Variants in KLHDC10 observed in about 807,000 individuals in gnomAD.
KLHDC10 encodes the protein kelch domain containing 10.
A neutral mutation model predicts 56.1 loss-of-function variants in KLHDC10; 24 were observed. The ratio of observed to expected loss-of-function variants is 0.43; its 90% CI spans 0.31 to 0.60. The LOEUF is 0.60. Among genes scored for constraint, KLHDC10 ranks in the 20% least tolerant of loss-of-function variants. The pLI is 0.11. For synonymous variants in KLHDC10, 188 were observed against 207.1 expected (o/e 0.91, Z 0.79); for missense variants, 349 against 567.0 (o/e 0.62, Z 3.91).
In KLHDC10 at chr7:130,124,547, T is replaced by A. The variant is rs780950527; in HGVS notation, c.864+12T>A. The A allele has an allele frequency of 1.5e-5, 21 of 1,428,058 alleles. No individual in the cohort carries two copies. In the East Asian group the frequency reaches 2.7e-4, roughly 19 times the overall value. 88.5% of individuals were successfully genotyped at this position (1,428,058 alleles called of 1,614,324 possible). A position where few individuals can be genotyped will look rare whatever the true frequency, so the allele number is the denominator to read the frequency against. On this transcript the variant is annotated intron_variant, in intron 6 of 9. Transcript: ENST00000335420. Reference sequence around the variant, plus strand: ...ATTCCTTAAACAAGGTATATTTTTTTAAAAAGAAAAAAAGGGAGAGGGAGA... The same window carrying A: ...ATTCCTTAAACAAGGTATATTTTTTAAAAAAGAAAAAAAGGGAGAGGGAGA...
At chr7:130,106,290 G>A (rs1274955176) in intron 2 of KLHDC10, among the ~76,000 whole-genome samples, 8 of 152,214 alleles carry the variant, frequency 5.3e-5, no homozygotes, top group East Asian at 3.9e-4. Context: ...ATTAACAGGC[G>A]AGTCTTTCCA....
chr7:130,124,687 G>A, intron 6 of KLHDC10, 152 bp downstream of exon 6: 1 of 530,500 alleles, frequency 1.9e-6, no homozygotes, highest in South Asian at 3.3e-5. Context: ...ACTTTATAAG[G>A]TCGAACCCTG....
At chr7:130,072,009 G>A (rs1466045364) in intron 1 of KLHDC10, among the ~76,000 whole-genome samples, 1 of 152,164 alleles carries the variant, frequency 6.6e-6, no homozygotes, top group Admixed American at 6.5e-5. Context: ...CGAGGCATTT[G>A]TAAGTAGTCA....
intron 1 of KLHDC10, among the ~76,000 whole-genome samples, chr7:130,084,082 C>T (rs1219868394): frequency 6.6e-6 from 1 of 152,126 alleles, no homozygotes; most frequent in East Asian, 1.9e-4. Context: ...TAATTTCAGC[C>T]CAAATCTCTT....
At chr7:130,119,295 G>A (rs1160548373) in intron 3 of KLHDC10, among the ~76,000 whole-genome samples, 1 of 151,856 alleles carries the variant, frequency 6.6e-6, no homozygotes, top group South Asian at 2.1e-4. Context: ...TGGATTGCTT[G>A]AGCTCAGGAG....
chr7:130,120,663 T>C lies in KLHDC10; in HGVS notation c.476-86T>C. ...TTATGAGATCATTAAAGCAGATATGTGTAGCTTCTCAGATATTCTGGGTTT... is the reference window on the plus strand; with the variant it reads ...TTATGAGATCATTAAAGCAGATATGCGTAGCTTCTCAGATATTCTGGGTTT... On this transcript the variant is annotated intron_variant, in intron 3 of 9. Coordinates refer to ENST00000335420, the MANE Select transcript of KLHDC10 (RefSeq NM_014997.4). The surrounding 1 kb of genome is among the most constrained non-coding windows in gnomAD (Gnocchi z 5.1). 7.1e-7 allele frequency: 1 copy of C among 1,407,242 alleles called. No individual in the cohort carries two copies. The highest frequency in any genetic ancestry group is 9.9e-7 in the Non-Finnish European group (1 of 1,008,308). The allele number at this position is 1,407,242 out of a possible 1,614,324, so 87.2% of individuals were successfully genotyped here.
chr7:130,082,707 C>T (rs1795625068), intron 1 of KLHDC10, among the ~76,000 whole-genome samples: 1 of 152,110 alleles, frequency 6.6e-6, no homozygotes, highest in African/African-American at 2.4e-5. Flanking sequence ...TTTTTCTCTT[C>T]AGTCTTTTGC....
At chr7:130,097,646 G>A (rs1795868190) in intron 2 of KLHDC10, among the ~76,000 whole-genome samples, 1 of 152,094 alleles carries the variant, frequency 6.6e-6, no homozygotes, top group South Asian at 2.1e-4. Flanking sequence ...TTACCTATTA[G>A]ATGAGCAAAG....
intron 2 of KLHDC10, among the ~76,000 whole-genome samples, chr7:130,102,460 TGAG>T (rs1373024679): frequency 6.6e-6 from 1 of 152,192 alleles, no homozygotes; most frequent in African/African-American, 2.4e-5. Context: ...GAGTGGAACT[TGAG>T]GAAGTTCTAA....
intron 2 of KLHDC10, among the ~76,000 whole-genome samples, chr7:130,106,820 A>G (rs541194112): frequency 6.6e-6 from 1 of 152,108 alleles, no homozygotes; most frequent in Middle Eastern, 3.4e-3. Flanking sequence ...AAAATTCAAA[A>G]ATTAGCCGGG....
At chr7:130,129,215 G>A (rs1386687957) in intron 8 of KLHDC10, among the ~76,000 whole-genome samples, 1 of 152,102 alleles carries the variant, frequency 6.6e-6, no homozygotes, top group African/African-American at 2.4e-5. Flanking sequence ...AGGCTCCTTA[G>A]AGGCTTGCAT....
chr7:130,122,577 T>C (rs906261643), intron 5 of KLHDC10, among the ~76,000 whole-genome samples: 1 of 152,012 alleles, frequency 6.6e-6, no homozygotes, highest in Non-Finnish European at 1.5e-5. Context: ...AAAGAAAGGG[T>C]CTCACTCTGT....
At chr7:130,087,924 C>T (rs1563098281) in intron 1 of KLHDC10, among the ~76,000 whole-genome samples, 3 of 151,746 alleles carry the variant, frequency 2.0e-5, no homozygotes, top group Non-Finnish European at 1.5e-5. Flanking sequence ...CCACGCCTGG[C>T]TAATTTTTGT....
At position 130,124,438 on chromosome 7, in the gene KLHDC10, T is replaced by C. The variant is rs753922623; in HGVS notation, c.780-13T>C. On this transcript the variant is annotated splice_polypyrimidine_tract_variant and intron_variant, in intron 5 of 9. Coordinates refer to ENST00000335420, the MANE Select transcript of KLHDC10 (RefSeq NM_014997.4). ...TCACTTAATTATAAATGAATTTTAT[T>C]GTAAATTTTCAGATACCGACATGAA... 11 of 1,533,432 alleles carry C rather than the reference T, an allele frequency of 7.2e-6. No homozygotes were observed. The South Asian group carries it at 1.2e-4, about 17-fold the overall frequency. 95.0% of individuals were successfully genotyped at this position (1,533,432 alleles called of 1,614,324 possible).
intron 2 of KLHDC10, among the ~76,000 whole-genome samples, chr7:130,115,904 A>T (rs1796161040): frequency 6.6e-6 from 1 of 152,076 alleles, no homozygotes; most frequent in South Asian, 2.1e-4. Context: ...ATTTTACTGT[A>T]ACTCCTTAAC....
chr7:130,108,556 C>CAAAAAAAAAAAAAA (rs71175086), intron 2 of KLHDC10, among the ~76,000 whole-genome samples: 1 of 85,674 alleles, frequency 1.2e-5, no homozygotes, highest in African/African-American at 4.3e-5. Flanking sequence ...ACCAAATATC[C>CAAAAAAAAAAAAAA]AAAAAAAAAA....
intron 7 of KLHDC10, among the ~76,000 whole-genome samples, chr7:130,126,281 A>G (rs1039622262): frequency 1.3e-5 from 2 of 152,052 alleles, no homozygotes; most frequent in East Asian, 1.9e-4. Flanking sequence ...TTGAGCCACT[A>G]CTCTCCAGCC....
At chr7:130,099,946 G>A (rs983292931) in intron 2 of KLHDC10, among the ~76,000 whole-genome samples, 2 of 151,926 alleles carry the variant, frequency 1.3e-5, no homozygotes, top group Non-Finnish European at 2.9e-5. Context: ...ACACATGCAC[G>A]CATGTACAAT....
chr7:130,084,741 C>T (rs1795658712), intron 1 of KLHDC10, among the ~76,000 whole-genome samples: 1 of 150,262 alleles, frequency 6.7e-6, no homozygotes, highest in African/African-American at 2.5e-5. Flanking sequence ...TGCACCACAG[C>T]ACTCCAGTCT....
Sources: gnomAD v4.1 joint callset for allele counts (sites outside exome capture counted in the v4.1 genomes callset) on GRCh38, gnomAD v4.1.1 for gene constraint, Gnocchi (gnomAD v3.1) non-coding constraint, MANE v1.5 for transcripts, NCBI Gene and HGNC (gene_info 2026-07-23, HGNC 2026-07-21) for gene names.